The following SVIL variants were observed in gnomAD, a reference collection of about 807,000 sequenced individuals.
The protein encoded by SVIL is archvillin.
Under a neutral mutation model 240.4 loss-of-function variants are expected in SVIL, and 101 were observed. The observed-to-expected ratio is 0.42, with a 90% CI of 0.36 to 0.50. SVIL has a LOEUF of 0.50. SVIL is among the 20% of genes least tolerant of loss of function. The pLI is 0.01. For missense variants in SVIL, 2,512 were observed against 2,818.7 expected (o/e 0.89, Z 2.46); for synonymous variants, 999 against 1,100.0 (o/e 0.91, Z 1.82).
intron 1 of SVIL, among the ~76,000 whole-genome samples, chr10:29,726,029 CT>C (rs990329404): frequency 2.6e-5 from 4 of 152,170 alleles, no homozygotes; most frequent in African/African-American, 9.7e-5. Context: ...TTATGTGATC[CT>C]CCCACTTCAG....
chr10:29,730,503 T>G (rs981928728), intron 1 of SVIL, among the ~76,000 whole-genome samples: 2 of 152,216 alleles, frequency 1.3e-5, no homozygotes, highest in Non-Finnish European at 2.9e-5. Flanking sequence ...TCACCAGCCC[T>G]AAGAACCCAA....
Position 29,473,900 on chromosome 10 carries a change from CGGT to C in SVIL, c.5464_5466del (p.Thr1822del). The C allele has an allele frequency of 6.2e-7, 1 of 1,614,058 alleles. No homozygotes were observed. The highest frequency in any genetic ancestry group is 8.5e-7 in the Non-Finnish European group (1 of 1,180,002). On this transcript the variant is annotated inframe_deletion, in exon 30 of 38. Transcript: ENST00000355867. ...AGCGCCGACGTGCCCTTCTCACTCA[CGGT>C]GGAGTGCCGGCCTTGCCAGAAGAAG... is the stretch of plus-strand genomic sequence containing the variant.
chr10:29,572,782 GA>G (rs1240203643), intron 1 of SVIL, among the ~76,000 whole-genome samples: 3 of 86,524 alleles, frequency 3.5e-5, no homozygotes, highest in African/African-American at 1.1e-4. Flanking sequence ...AAAAAAAAAA[GA>G]AAAAGAAAAA....
intron 18 of SVIL, among the ~76,000 whole-genome samples, chr10:29,497,197 C>T (rs1327099020): frequency 6.6e-6 from 1 of 152,168 alleles, no homozygotes; most frequent in Non-Finnish European, 1.5e-5. Context: ...CTTCCTTCTA[C>T]AAACATTCAT....
chr10:29,577,154 C>T (rs1955736784), intron 1 of SVIL, among the ~76,000 whole-genome samples: 1 of 152,180 alleles, frequency 6.6e-6, no homozygotes, highest in East Asian at 1.9e-4. Context: ...GCTGGGATTA[C>T]AGGTGTGAGC....
chr10:29,484,438 C>T lies in SVIL; in HGVS notation c.4955+218G>A, dbSNP rs369957640. 6.6e-6 allele frequency among the ~76,000 whole-genome samples: 1 copy of T among 152,344 alleles called. No individual in the cohort carries two copies. The highest frequency in any genetic ancestry group is 2.1e-4 in the South Asian group (1 of 4,830). ...GCTCACTTCAAGAAATCAACTATAA[C>T]AAACCTCTTCCAGAAGACTACGACA... On this transcript the variant is annotated intron_variant, in intron 27 of 37. Transcript: ENST00000355867. This position sits in a 1 kb window ranked among gnomAD's most constrained non-coding sequence, Gnocchi z 4.7.
intron 15 of SVIL, among the ~76,000 whole-genome samples, chr10:29,523,108 T>C (rs1051385441): frequency 7.2e-5 from 11 of 152,094 alleles, no homozygotes; most frequent in Non-Finnish European, 1.5e-4. Context: ...GGTCAAGTCT[T>C]TCCTGAATTC....
chr10:29,708,707 C>T (rs79121895), intron 1 of SVIL, among the ~76,000 whole-genome samples: 2 of 152,010 alleles, frequency 1.3e-5, no homozygotes, highest in Non-Finnish European at 2.9e-5. Flanking sequence ...AAAAACAATG[C>T]AGAATGCTAT....
At chr10:29,535,945 C>A (rs1440909965) in intron 7 of SVIL, 44 bp downstream of exon 7, 7 of 1,595,270 alleles carry the variant, frequency 4.4e-6, no homozygotes, top group South Asian at 1.1e-5. Context: ...CAGGAGGAAG[C>A]AACACTCATG....
At chr10:29,721,866 G>A (rs753744990) in intron 1 of SVIL, among the ~76,000 whole-genome samples, 8 of 152,126 alleles carry the variant, frequency 5.3e-5, no homozygotes, top group Non-Finnish European at 1.0e-4. Context: ...TGGTATCATC[G>A]TAACTAGTGC....
intron 1 of SVIL, among the ~76,000 whole-genome samples, chr10:29,579,009 G>C (rs1313942613): frequency 6.6e-6 from 1 of 152,190 alleles, no homozygotes; most frequent in Non-Finnish European, 1.5e-5. Flanking sequence ...GATTCGCTGG[G>C]GAAACTGGAA....
At chr10:29,623,549 T>C (rs550250837) in intron 1 of SVIL, among the ~76,000 whole-genome samples, 9 of 152,204 alleles carry the variant, frequency 5.9e-5, no homozygotes, top group Non-Finnish European at 1.3e-4. Flanking sequence ...TTCATTTCTA[T>C]AGAAACACAG....
rs1467782202 is a variant in SVIL at position 29,550,847 on chromosome 10, A to G, written c.577T>C (p.Ser193Pro). 1 of 1,613,924 alleles carries G rather than the reference A, an allele frequency of 6.2e-7. No homozygotes were observed. The highest frequency in any genetic ancestry group is 1.3e-5 in the African/African-American group (1 of 74,862). ...KDYALHVGDG[S>P]SDPEVLLNIE... is the part of the protein sequence containing the mutation. The stretch of plus-strand genomic sequence containing the variant: ...TTCAGCAGCACCTCCGGGTCGGAAG[A>G]GCCGTCACCCACATGGAGGGCATAG... Residue 193 changes from serine (S) to proline (P), a missense_variant, in exon 6 of 38, where the codon TCT (serine) becomes CCT (proline). Coordinates refer to ENST00000355867, the MANE Select transcript of SVIL (RefSeq NM_021738.3).
At chr10:29,501,403 G>T (rs1462420966) in intron 17 of SVIL, among the ~76,000 whole-genome samples, 4 of 150,890 alleles carry the variant, frequency 2.7e-5, no homozygotes, top group Non-Finnish European at 5.9e-5. Context: ...CTGGCACATG[G>T]TTGGGGTGGG....
chr10:29,721,257 C>CAAACAAAAA (rs112683847), intron 1 of SVIL, among the ~76,000 whole-genome samples: 7 of 150,018 alleles, frequency 4.7e-5, no homozygotes, highest in Admixed American at 2.7e-4. Flanking sequence ...AACAAACAAA[C>CAAACAAAAA]AAAAAAACAC....
chr10:29,603,546 C>A (rs1956895471), intron 1 of SVIL, among the ~76,000 whole-genome samples: 1 of 152,168 alleles, frequency 6.6e-6, no homozygotes, highest in Non-Finnish European at 1.5e-5. Flanking sequence ...TATGGCCAGA[C>A]AGTTCATCTA....
chr10:29,705,472 A>G (rs1477504020), intron 1 of SVIL, among the ~76,000 whole-genome samples: 1 of 151,818 alleles, frequency 6.6e-6, no homozygotes, highest in African/African-American at 2.4e-5. Flanking sequence ...TGTTCTTCCC[A>G]CTTCAAATCT....
At chr10:29,528,170 A>G (rs996521760) in intron 12 of SVIL, among the ~76,000 whole-genome samples, 3 of 152,208 alleles carry the variant, frequency 2.0e-5, no homozygotes, top group Non-Finnish European at 2.9e-5. Context: ...ATTTTACACC[A>G]GCCATTCAAA....
chr10:29,514,852 TGA>T (rs1158551790), intron 16 of SVIL, among the ~76,000 whole-genome samples: 1 of 152,202 alleles, frequency 6.6e-6, no homozygotes, highest in Non-Finnish European at 1.5e-5. Context: ...GGAGATGGGA[TGA>T]GATATATTCT....
Sources: gnomAD v4.1 joint callset for allele counts (sites outside exome capture counted in the v4.1 genomes callset) on GRCh38, gnomAD v4.1.1 for gene constraint, Gnocchi (gnomAD v3.1) non-coding constraint, MANE v1.5 for transcripts, NCBI Gene and HGNC (gene_info 2026-07-23, HGNC 2026-07-21) for gene names.